AKAP13: variants seen among roughly 807,000 people sequenced by gnomAD.
AKAP13 encodes the protein A-kinase anchor protein 13.
AKAP13 carries 80 observed loss-of-function variants against 264.5 expected under a neutral mutation model. That is an observed-to-expected ratio of 0.30 (90% confidence interval 0.25 to 0.36). The LOEUF (loss-of-function observed/expected upper bound fraction) is 0.36. Ranked by LOEUF, AKAP13 falls within the 10% of genes least tolerant of loss-of-function variation. The probability of loss-of-function intolerance (pLI) is 1.00; values close to 1 mark genes in which losing one functional copy is unlikely to be tolerated. For synonymous variants in AKAP13, 1,380 were observed against 1,250.2 expected, an observed-to-expected ratio of 1.10 and a Z score of -2.19; for missense variants, 3,712 against 3,435.2, an observed-to-expected ratio of 1.08 and a Z score of -2.01.
At chr15:85,399,513 AAAAAAAAAAT>A (rs1567038558) in intron 1 of AKAP13, among the ~76,000 whole-genome samples, 90 of 69,954 alleles carry the variant, frequency 1.3e-3, no homozygotes, top group Non-Finnish European at 1.2e-3. Flanking sequence ...AAAAAAAAAA[AAAAAAAAAAT>A]AAAAAAATAA....
In AKAP13 at chr15:85,509,132, T is replaced by G. The variant is rs186993823; in HGVS notation, c.34-12296T>G. On this transcript the variant is annotated intron_variant, in intron 2 of 36. Transcript: ENST00000394518. ...AGTTCTTAACAGTGTCTGACACATA[T>G]TACAGTAAGTTTTGTAATGAATGAA... Among the ~76,000 whole-genome samples the G allele has an allele frequency of 4.7e-3, 723 of 152,316 alleles. 1 individual carries two copies. Among genetic ancestry groups the G allele is most frequent in the Non-Finnish European group, 6.0e-3 (408 of 68,022 alleles).
At chr15:85,733,247 G>T (rs976183367) in intron 30 of AKAP13, among the ~76,000 whole-genome samples, 1 of 152,022 alleles carries the variant, frequency 6.6e-6, no homozygotes, top group Non-Finnish European at 1.5e-5. Flanking sequence ...TTATTGGCTT[G>T]TTCATATTTT....
At chr15:85,679,917 G>C (rs746649975) in intron 14 of AKAP13, among the ~76,000 whole-genome samples, 1 of 152,154 alleles carries the variant, frequency 6.6e-6, no homozygotes, top group African/African-American at 2.4e-5. Context: ...AGGAATTTCA[G>C]AGGCATTGGT....
rs1052382602 is a variant in AKAP13, at chr15:85,724,507, G to A, written c.6745+1187G>A. On this transcript the variant is annotated intron_variant, in intron 26 of 36. Transcript: ENST00000394518. This position sits in a 1 kb window ranked among gnomAD's most constrained non-coding sequence, Gnocchi z 4.2. ...CACATCCAGGGAAGAGTGGACACCC[G>A]GGACTCTCACGTGAGAGAGCAGAGT... Among the ~76,000 whole-genome samples the A allele has an allele frequency of 5.8e-3, 96 of 16,584 alleles. No individual in the cohort carries two copies. Among genetic ancestry groups the A allele is most frequent in the Non-Finnish European group, 7.4e-3 (75 of 10,096 alleles). 10.9% of individuals were successfully genotyped at this position (16,584 alleles called of 152,430 possible). A position where few individuals can be genotyped will look rare whatever the true frequency, so the allele number is the denominator to read the frequency against.
intron 8 of AKAP13, among the ~76,000 whole-genome samples, chr15:85,622,806 T>C (rs1368525773): frequency 4.6e-5 from 7 of 152,210 alleles, no homozygotes; most frequent in African/African-American, 1.7e-4. Context: ...AAAGTCCATG[T>C]TTTTCCTGCT....
intron 1 of AKAP13, among the ~76,000 whole-genome samples, chr15:85,443,854 A>C (rs946445988): frequency 1.3e-5 from 2 of 151,598 alleles, no homozygotes; most frequent in Admixed American, 1.3e-4. Context: ...GGTATTTATG[A>C]CTGTCAAGGC....
At chr15:85,629,949 T>C (rs60623320) in intron 8 of AKAP13, among the ~76,000 whole-genome samples, 2,953 of 151,644 alleles carry the variant, frequency 0.019, 96 homozygotes, top group African/African-American at 0.068. Flanking sequence ...CCAGCTAATT[T>C]TTGTATTTTT....
Position 85,594,451 on chromosome 15 carries a change from T to C in AKAP13, c.4161+8628T>C, listed in dbSNP as rs570500183. Among the ~76,000 whole-genome samples, 9 of 152,376 alleles carry C rather than the reference T, an allele frequency of 5.9e-5. No homozygotes were observed. In the East Asian group the frequency reaches 1.7e-3, roughly 29 times the overall value. Reference sequence around the variant, plus strand: ...CAGTGAAATGGACGCTAAATTCTCCTTTCTAAGGAAGTTTTTAAAGAATAT... The same window carrying C: ...CAGTGAAATGGACGCTAAATTCTCCCTTCTAAGGAAGTTTTTAAAGAATAT... On this transcript the variant is annotated intron_variant, in intron 8 of 36. Transcript: ENST00000394518.
chr15:85,540,170 A>C (rs2077535202), intron 4 of AKAP13, among the ~76,000 whole-genome samples: 1 of 152,164 alleles, frequency 6.6e-6, no homozygotes, highest in South Asian at 2.1e-4. Flanking sequence ...AAGTCAGTCC[A>C]CCAACATGGG....
intron 5 of AKAP13, among the ~76,000 whole-genome samples, chr15:85,546,904 C>T (rs1021975558): frequency 2.6e-5 from 4 of 151,954 alleles, no homozygotes; most frequent in East Asian, 1.9e-4. Context: ...CCACCATGTC[C>T]GGCTAATTTT....
chr15:85,729,521 G>C (rs540912388), intron 29 of AKAP13, among the ~76,000 whole-genome samples: 6 of 152,162 alleles, frequency 3.9e-5, no homozygotes, highest in Non-Finnish European at 8.8e-5. Context: ...CCACGTGGGC[G>C]CCATGGTCTG....
At chr15:85,582,799 C>G (rs1164768330) in intron 7 of AKAP13, 4 of 880,126 alleles carry the variant, frequency 4.5e-6, no homozygotes, top group Middle Eastern at 1.1e-3. Flanking sequence ...CTGCACAGTG[C>G]AGGGGATAGG....
intron 11 of AKAP13, among the ~76,000 whole-genome samples, chr15:85,658,107 G>T: frequency 6.6e-6 from 1 of 152,050 alleles, no homozygotes; most frequent in African/African-American, 2.4e-5. Context: ...TACTGCTAGG[G>T]CTTACCTAGG....
intron 1 of AKAP13, among the ~76,000 whole-genome samples, chr15:85,467,698 C>G (rs1351302173): frequency 2.0e-5 from 3 of 152,166 alleles, no homozygotes; most frequent in Non-Finnish European, 4.4e-5. Context: ...TTTTACTGTT[C>G]TATCTGCAGT....
At chr15:85,627,584 G>A (rs1219678793) in intron 8 of AKAP13, 2 of 152,048 alleles carry the variant, frequency 1.3e-5, no homozygotes, top group African/African-American at 4.8e-5. Flanking sequence ...TGATTGACAG[G>A]GTCCACCCTT....
rs1284863822 is a variant in AKAP13, at chr15:85,580,120, T to C, written c.2052T>C (p.Asp684=). ...GCGATTTGGTTGCAAAACTGTGTGA[T>C]AACATAGTTAGCGAGTCCGAAAGCA... ...SSGDLVAKLC[D]NIVSESESTT... Residue 684 remains aspartate (D), a synonymous_variant, in exon 7 of 37, where the codon GAT becomes GAC. Coordinates refer to ENST00000394518, the MANE Select transcript of AKAP13 (RefSeq NM_007200.5). The C allele has an allele frequency of 6.2e-7, 1 of 1,614,080 alleles. No individual in the cohort carries two copies. Among genetic ancestry groups the C allele is most frequent in the African/African-American group, 1.3e-5 (1 of 74,932 alleles).
intron 8 of AKAP13, among the ~76,000 whole-genome samples, chr15:85,595,192 T>G (rs995037983): frequency 8.5e-5 from 13 of 152,232 alleles, no homozygotes; most frequent in African/African-American, 2.6e-4. Context: ...CTCAACTTCC[T>G]GGGCTCAAGT....
At chr15:85,529,610 C>T (rs1376355914) in intron 3 of AKAP13, among the ~76,000 whole-genome samples, 3 of 152,092 alleles carry the variant, frequency 2.0e-5, no homozygotes, top group African/African-American at 7.2e-5. Flanking sequence ...CTGATTTACC[C>T]CCCAGGTGCT....
Position 85,579,972 on chromosome 15 carries a change from CAG to C in AKAP13, c.1906_1907del (p.Glu636AsnfsTer24), listed in dbSNP as rs1222016722. On this transcript the variant is annotated frameshift_variant, in exon 7 of 37. Transcript: ENST00000394518. LOFTEE classifies it high-confidence loss of function. ...GAAGATGTAATGCCACACCAGAACTCAGAAACAAATTCATCTCATGCTCAAAG... is the reference window on the plus strand; with the variant it reads ...GAAGATGTAATGCCACACCAGAACTCAAACAAATTCATCTCATGCTCAAAG... 1 of 1,614,222 alleles carries C rather than the reference CAG, an allele frequency of 6.2e-7. No individual in the cohort carries two copies. The highest frequency in any genetic ancestry group is 8.5e-7 in the Non-Finnish European group (1 of 1,180,038).
Sources: gnomAD v4.1 joint callset for allele counts (sites outside exome capture counted in the v4.1 genomes callset) on GRCh38, gnomAD v4.1.1 for gene constraint, Gnocchi (gnomAD v3.1) non-coding constraint, MANE v1.5 for transcripts, NCBI Gene and HGNC (gene_info 2026-07-23, HGNC 2026-07-21) for gene names.